The following NOSTRIN variants were observed in gnomAD, a reference collection of about 807,000 sequenced individuals.
NOSTRIN encodes BM247 homolog.
In NOSTRIN, 63 loss-of-function variants were observed where a neutral mutation model predicts 59.0. That is an observed-to-expected ratio of 1.07 (90% CI 0.87 to 1.32). The LOEUF (loss-of-function observed/expected upper bound fraction) is 1.32, where lower values mean the gene tolerates loss of function less well. Ranked by LOEUF, NOSTRIN falls within the 40% of genes most tolerant of loss-of-function variation. NOSTRIN has a pLI of 0.00. For synonymous variants in NOSTRIN, 200 were observed against 165.4 expected (o/e 1.21, Z -1.61); for missense variants, 512 against 473.1 (o/e 1.08, Z -0.76).
At chr2:168,794,225 A>C (rs1016704102), upstream of NOSTRIN, among the ~76,000 whole-genome samples, 1 of 152,198 alleles carries the variant, frequency 6.6e-6, no homozygotes, top group East Asian at 1.9e-4. Context: ...ATGAATTATC[A>C]ATTGTGTAAA....
intron 1 of NOSTRIN, among the ~76,000 whole-genome samples, chr2:168,806,596 G>T (rs1685863662): frequency 6.6e-6 from 1 of 152,060 alleles, no homozygotes; most frequent in East Asian, 1.9e-4. Flanking sequence ...TTTTTTAGGG[G>T]CTCAGGAAGA....
intron 10 of NOSTRIN, among the ~76,000 whole-genome samples, chr2:168,853,578 A>T (rs1688899461): frequency 1.3e-5 from 2 of 152,240 alleles, no homozygotes. Flanking sequence ...TAAACAATAG[A>T]TGTCCCCAGA....
chr2:168,833,288 G>T (rs574605890), intron 6 of NOSTRIN, among the ~76,000 whole-genome samples: 1 of 152,318 alleles, frequency 6.6e-6, no homozygotes, highest in South Asian at 2.1e-4. Flanking sequence ...CAGCAGGCAT[G>T]TGGCTGACGG....
intron 2 of NOSTRIN, among the ~76,000 whole-genome samples, chr2:168,812,479 C>T (rs535886976): frequency 1.1e-4 from 16 of 152,182 alleles, no homozygotes; most frequent in Non-Finnish European, 1.6e-4. Context: ...CTTCTGAAAA[C>T]GAGTTAGATT....
chr2:168,848,029 T>C (rs566375685), intron 8 of NOSTRIN, among the ~76,000 whole-genome samples: 1 of 152,344 alleles, frequency 6.6e-6, no homozygotes, highest in East Asian at 1.9e-4. Context: ...TGCAATATGT[T>C]CTAAAACCTG....
At chr2:168,859,290 A>C (rs1460172578) in intron 12 of NOSTRIN, 2 of 474,508 alleles carry the variant, frequency 4.2e-6, no homozygotes, top group East Asian at 7.4e-5. Context: ...TCACCCCCAG[A>C]GTACAGAATG....
intron 3 of NOSTRIN, 26 bp from the exon 4 acceptor site, chr2:168,828,132 T>C (rs1422114152): frequency 1.1e-6 from 1 of 872,902 alleles, no homozygotes; most frequent in Non-Finnish European, 2.0e-6. Context: ...CACTCACCTT[T>C]GTTCCCCACT....
At chr2:168,790,713 G>A (rs1685324680) in intron 2 of NOSTRIN, among the ~76,000 whole-genome samples, 1 of 152,172 alleles carries the variant, frequency 6.6e-6, no homozygotes, top group African/African-American at 2.4e-5. Context: ...TACTGAACTG[G>A]ATCCTGTTGC....
chr2:168,790,680 T>C (rs569181180), intron 2 of NOSTRIN, among the ~76,000 whole-genome samples: 21 of 152,292 alleles, frequency 1.4e-4, no homozygotes, highest in African/African-American at 5.1e-4. Context: ...TAAAGAAACA[T>C]AGTGACTGAA....
At chr2:168,845,370 C>T (rs184377613) in intron 8 of NOSTRIN, among the ~76,000 whole-genome samples, 1 of 152,320 alleles carries the variant, frequency 6.6e-6, no homozygotes, top group East Asian at 1.9e-4. Flanking sequence ...TCCAGGCACC[C>T]ACCCTTCAAG....
chr2:168,793,443 A>G (rs1012892297), upstream of NOSTRIN, among the ~76,000 whole-genome samples: 1 of 152,050 alleles, frequency 6.6e-6, no homozygotes, highest in Non-Finnish European at 1.5e-5. Flanking sequence ...CCTCATCTCT[A>G]CAAAAAATAA....
chr2:168,812,383 G>A (rs1206661115), intron 2 of NOSTRIN, among the ~76,000 whole-genome samples: 1 of 152,136 alleles, frequency 6.6e-6, no homozygotes, highest in Non-Finnish European at 1.5e-5. Flanking sequence ...AGATGCCATG[G>A]ATTGGTTGCA....
intron 1 of NOSTRIN, among the ~76,000 whole-genome samples, chr2:168,806,774 TA>T (rs1685872008): frequency 6.6e-6 from 1 of 152,136 alleles, no homozygotes; most frequent in Non-Finnish European, 1.5e-5. Flanking sequence ...GAATATTTGA[TA>T]GGGGGTTAGG....
In NOSTRIN at chr2:168,789,800, G is replaced by A. The variant is rs145497455; in HGVS notation, c.-473+1752G>A. Among the ~76,000 whole-genome samples, 1,261 of 152,160 alleles carry A rather than the reference G, an allele frequency of 8.3e-3. 17 individuals carry two copies. Among genetic ancestry groups the A allele is most frequent in the African/African-American group, 0.029 (1,183 of 41,430 alleles). On this transcript the variant is annotated intron_variant, in intron 2 of 20. Coordinates refer to the NOSTRIN transcript ENST00000458381. ...TTAAAGTAGCTGGTACAAACTGAAA[G>A]TCAGACCGAGAAACAAAGGGCCTTC...
At chr2:168,805,477 C>G (rs558515138) in intron 1 of NOSTRIN, among the ~76,000 whole-genome samples, 1 of 152,116 alleles carries the variant, frequency 6.6e-6, no homozygotes, top group African/African-American at 2.4e-5. Flanking sequence ...GCAAGAAAGG[C>G]GAAGTAAGAT....
At chr2:168,862,784 G>A (rs1689548727) in intron 15 of NOSTRIN, among the ~76,000 whole-genome samples, 1 of 152,216 alleles carries the variant, frequency 6.6e-6, no homozygotes, top group African/African-American at 2.4e-5. Flanking sequence ...TAGAAACCAT[G>A]TTTGAATGTT....
rs1241128378 is a variant in NOSTRIN at position 168,861,988 on chromosome 2, A to C, written c.1323A>C (p.Arg441Ser). The C allele has an allele frequency of 6.2e-7, 1 of 1,614,084 alleles. No individual in the cohort carries two copies. Among genetic ancestry groups the C allele is most frequent in the Non-Finnish European group, 8.5e-7 (1 of 1,180,034 alleles). Reference protein sequence around the residue: ...PAPGAAQLSSRLCKALYSFQA... With the variant: ...PAPGAAQLSSSLCKALYSFQA... The stretch of plus-strand genomic sequence containing the variant: ...CTGGTGCAGCCCAGCTCAGCAGCAG[A>C]CTTTGCAAGGCCTTGTATTCTTTTC... The change falls in exon 15 of 16, where the codon AGA (arginine) becomes AGC (serine). Residue 441 changes from arginine (R) to serine (S), a missense_variant. Physicochemically the swap from Arg to Ser is moderately radical, Grantham distance 110. Transcript: ENST00000317647.
At chr2:168,793,516 C>A (rs1441362202), upstream of NOSTRIN, among the ~76,000 whole-genome samples, 1 of 152,010 alleles carries the variant, frequency 6.6e-6, no homozygotes, top group Non-Finnish European at 1.5e-5. Context: ...AAGGCTGAGG[C>A]GGGAAGATTG....
At chr2:168,794,353 A>ATTT (rs61395235), upstream of NOSTRIN, among the ~76,000 whole-genome samples, 41,802 of 141,444 alleles carry the variant, frequency 0.3, 7,616 homozygotes, top group South Asian at 0.52. Flanking sequence ...AAAAGGGATG[A>ATTT]TTTTTTTTTT....
Sources: gnomAD v4.1 joint callset for allele counts (sites outside exome capture counted in the v4.1 genomes callset) on GRCh38, gnomAD v4.1.1 for gene constraint, MANE v1.5 for transcripts, NCBI Gene and HGNC (gene_info 2026-07-23, HGNC 2026-07-21) for gene names.